Variants in ZNF514 observed in about 807,000 individuals in gnomAD.
ZNF514 encodes zinc finger protein 514.
In ZNF514, 12 loss-of-function variants were observed where a neutral mutation model predicts 9.7. The ratio of observed to expected loss-of-function variants is 1.24; its 90% CI spans 0.79 to 2.01. ZNF514 has a LOEUF of 2.01. Among genes scored for constraint, ZNF514 ranks in the 30% most tolerant of loss-of-function variants. The pLI is 0.00. For synonymous variants in ZNF514, 158 were observed against 163.7 expected, an observed-to-expected ratio of 0.97 and a Z score of 0.27; for missense variants, 467 against 465.5, an observed-to-expected ratio of 1.00 and a Z score of -0.03.
chr2:95,132,138 C>A, the ZNF514 span, among the ~76,000 whole-genome samples: 3 of 106,162 alleles, frequency 2.8e-5, no homozygotes, highest in Admixed American at 3.9e-4. Context: ...GAGCAAGACT[C>A]TGTCTCAAAA....
At chr2:95,141,097 G>T (rs537484596), downstream of ZNF514, among the ~76,000 whole-genome samples, 78 of 152,134 alleles carry the variant, frequency 5.1e-4, no homozygotes, top group African/African-American at 1.9e-3. Context: ...TATACTGCTT[G>T]GGTAATGGGT....
chr2:95,158,762 TAG>T, intron 1 of ZNF514: 2 of 1,182,904 alleles, frequency 1.7e-6, no homozygotes, highest in African/African-American at 1.6e-5. Flanking sequence ...CACGGTCATC[TAG>T]AGACCCCTGC....
intron 2 of ZNF514, among the ~76,000 whole-genome samples, 194 bp downstream of exon 2, chr2:95,157,157 T>A (rs2104476862): frequency 6.6e-6 from 1 of 152,242 alleles, no homozygotes; most frequent in African/African-American, 2.4e-5. Context: ...CCAAACGATC[T>A]GAGTGGGTGC....
Position 95,146,338 on chromosome 2 carries a change from T to C in ZNF514, c.*2944A>G. Among the ~76,000 whole-genome samples the C allele has an allele frequency of 6.6e-6, 1 of 152,208 alleles. No individual in the cohort carries two copies. The highest frequency in any genetic ancestry group is 2.1e-4 in the South Asian group (1 of 4,828). On this transcript the variant is annotated 3_prime_UTR_variant, in exon 5 of 5. Transcript: ENST00000295208. ...AAAAACTTACACAAACAAATATGTTTATGATTACAAATGGTAAGATATGAC... is the reference window on the plus strand; with the variant it reads ...AAAAACTTACACAAACAAATATGTTCATGATTACAAATGGTAAGATATGAC...
At chr2:95,154,258 C>G (rs1021869008) in intron 2 of ZNF514, 2 of 152,242 alleles carry the variant, frequency 1.3e-5, no homozygotes, top group African/African-American at 4.8e-5. Context: ...GGCAAATGAT[C>G]TGAGTGAAGA....
the ZNF514 span, among the ~76,000 whole-genome samples, chr2:95,131,630 T>C: frequency 6.6e-6 from 1 of 152,190 alleles, no homozygotes; most frequent in Non-Finnish European, 1.5e-5. Context: ...ACAGAGTGAA[T>C]GAGAGGGCAT....
chr2:95,156,613 T>C (rs1399450021), intron 2 of ZNF514, among the ~76,000 whole-genome samples: 2 of 152,232 alleles, frequency 1.3e-5, no homozygotes, highest in East Asian at 1.9e-4. Context: ...AATTAGTATG[T>C]GTAAATTGTA....
the ZNF514 span, among the ~76,000 whole-genome samples, chr2:95,137,545 TAGGACATGGCC>T: frequency 2.0e-5 from 3 of 152,216 alleles, no homozygotes; most frequent in Admixed American, 6.5e-5. Flanking sequence ...ACTGTAAAGG[TAGGACATGGCC>T]AGGAACCAAA....
chr2:95,139,997 T>C, the ZNF514 span, among the ~76,000 whole-genome samples: 1 of 151,950 alleles, frequency 6.6e-6, no homozygotes, highest in African/African-American at 2.4e-5. Context: ...TGGATGAAGA[T>C]GGAAACCATC....
chr2:95,149,244 C>G lies in ZNF514; in HGVS notation c.*38G>C. On this transcript the variant is annotated 3_prime_UTR_variant, in exon 5 of 5. Transcript: ENST00000295208. ...TGAATTCTTTAAGTTCCAGTGATGT[C>G]TGCACTCCAGCTGAAAGCCCTTCTA... The G allele has an allele frequency of 1.3e-6, 2 of 1,527,982 alleles. No homozygotes were observed. The highest frequency in any genetic ancestry group is 1.8e-6 in the Non-Finnish European group (2 of 1,141,634). 94.7% of individuals were successfully genotyped at this position (1,527,982 alleles called of 1,614,324 possible).
chr2:95,134,137 T>A, the ZNF514 span, among the ~76,000 whole-genome samples: 1 of 152,068 alleles, frequency 6.6e-6, no homozygotes, highest in Non-Finnish European at 1.5e-5. Flanking sequence ...TGGCCAAATT[T>A]TTTTATTGGG....
rs1325546841 is a variant in ZNF514 at position 95,157,741 on chromosome 2, T to A, written c.-95-302A>T. Among the ~76,000 whole-genome samples, 4 of 152,172 alleles carry A rather than the reference T, an allele frequency of 2.6e-5. No individual in the cohort carries two copies. In the East Asian group the frequency reaches 7.7e-4, roughly 29 times the overall value. ...TACTGGGCATACTGTATGCAGGTCA[T>A]CTCCTAGGACTTTTGGAAATATAAA... On this transcript the variant is annotated intron_variant, in intron 1 of 4. Coordinates refer to ENST00000295208, the MANE Select transcript of ZNF514 (RefSeq NM_032788.3).
chr2:95,132,982 GT>G, the ZNF514 span, among the ~76,000 whole-genome samples: 3 of 151,676 alleles, frequency 2.0e-5, no homozygotes, highest in Non-Finnish European at 2.9e-5. Flanking sequence ...TAAAAAACCT[GT>G]TTATGAATGT....
At chr2:95,152,437 A>G (rs1459003673) in intron 4 of ZNF514, among the ~76,000 whole-genome samples, 1 of 152,166 alleles carries the variant, frequency 6.6e-6, no homozygotes, top group Non-Finnish European at 1.5e-5. Context: ...CATGGCACCA[A>G]TAACCCAGAA....
At chr2:95,159,158 G>A (rs1042188821) in intron 1 of ZNF514, 82 bp downstream of exon 1, 2 of 526,416 alleles carry the variant, frequency 3.8e-6, no homozygotes, top group African/African-American at 2.1e-5. Flanking sequence ...GCCCAGAGCA[G>A]GGCCGGCAAA....
At chr2:95,150,352 T>C (rs1673504690) in intron 4 of ZNF514, 85 bp from the exon 5 acceptor site, 1 of 1,386,140 alleles carries the variant, frequency 7.2e-7, no homozygotes, top group Non-Finnish European at 9.6e-7. Context: ...CTATAATGAA[T>C]GTGAAATAAT....
Position 95,149,624 on chromosome 2 carries a change from G to C in ZNF514, c.861C>G (p.Pro287=), listed in dbSNP as rs777796139. The change falls in exon 5 of 5, where the codon CCC becomes CCG. Residue 287 remains proline (P), a synonymous_variant. Coordinates refer to ENST00000295208, the MANE Select transcript of ZNF514 (RefSeq NM_032788.3). ...LHYRFHTGEK[P]YKCNECGRAF... ...CTCGTCCACATTCATTACATTTGTA[G>C]GGTTTCTCTCCAGTGTGAAATCTAT... 1.1e-5 allele frequency: 17 copies of C among 1,613,614 alleles called. No homozygotes were observed. The highest frequency in any genetic ancestry group is 7.6e-6 in the Non-Finnish European group (9 of 1,179,966).
At chr2:95,157,184 AC>A (rs2104476925) in intron 2 of ZNF514, among the ~76,000 whole-genome samples, 166 bp downstream of exon 2, 1 of 152,200 alleles carries the variant, frequency 6.6e-6, no homozygotes, top group East Asian at 1.9e-4. Context: ...AGAAGAGAAC[AC>A]CCCGGACAGG....
intron 2 of ZNF514, among the ~76,000 whole-genome samples, chr2:95,156,791 G>A (rs1483167366): frequency 6.6e-6 from 1 of 152,166 alleles, no homozygotes; most frequent in Non-Finnish European, 1.5e-5. Context: ...CAGCCTGTAA[G>A]TAGTAAAGTT....
Sources: gnomAD v4.1 joint callset for allele counts (sites outside exome capture counted in the v4.1 genomes callset) on GRCh38, gnomAD v4.1.1 for gene constraint, MANE v1.5 for transcripts, NCBI Gene and HGNC (gene_info 2026-07-23, HGNC 2026-07-21) for gene names.